Variants in PTPRE observed in about 807,000 individuals in gnomAD.
The protein encoded by PTPRE is protein tyrosine phosphatase receptor type E.
A neutral mutation model predicts 102.0 loss-of-function variants in PTPRE; 51 were observed. That is an observed-to-expected ratio of 0.50 (90% confidence interval 0.40 to 0.63). The LOEUF (loss-of-function observed/expected upper bound fraction) is 0.63. Ranked by LOEUF, PTPRE falls within the 30% of genes least tolerant of loss-of-function variation. The pLI, the probability that PTPRE is intolerant of heterozygous loss-of-function variation, is 0.00. For synonymous variants in PTPRE, 345 were observed against 348.2 expected (o/e 0.99, Z 0.10); for missense variants, 752 against 915.1 (o/e 0.82, Z 2.30).
At chr10:127,999,899 A>G (rs1489665927) in intron 2 of PTPRE, 1 of 985,446 alleles carries the variant, frequency 1.0e-6, no homozygotes, top group Non-Finnish European at 1.2e-6. Context: ...AGGAGACTCC[A>G]GTGCTGTGGA....
At chr10:128,019,912 G>A (rs1223132479) in intron 2 of PTPRE, among the ~76,000 whole-genome samples, 3 of 152,206 alleles carry the variant, frequency 2.0e-5, no homozygotes, top group Admixed American at 2.0e-4. Context: ...CCAGAGCAAT[G>A]GTCCCGGTAC....
chr10:128,021,172 G>T (rs953653308), intron 2 of PTPRE, among the ~76,000 whole-genome samples: 23 of 152,142 alleles, frequency 1.5e-4, no homozygotes, highest in Non-Finnish European at 2.6e-4. Flanking sequence ...TGGGACTACA[G>T]ACGCGAGCCA....
chr10:127,964,961 G>A, intron 1 of PTPRE: 1 of 456,504 alleles, frequency 2.2e-6, no homozygotes, highest in South Asian at 1.5e-5. Context: ...TGAAGGACAG[G>A]GACCGTGCCG....
rs1564786883 is a variant in PTPRE, at chr10:127,907,297, CG to C, written c.-41del. ...TGCAGCGCGATCTGCGCGACCAGAC[CG>C]GCCCCCCCGAGGTGAGCGCGCGTGC... On this transcript the variant is annotated 5_prime_UTR_variant, in exon 1 of 21. An upstream open reading frame in the 5' UTR loses its in-frame stop. Coordinates refer to ENST00000254667, the MANE Select transcript of PTPRE (RefSeq NM_006504.6). This position sits in a 1 kb window ranked among gnomAD's most constrained non-coding sequence, Gnocchi z 4.8. The C allele has an allele frequency of 3.0e-6, 3 of 984,638 alleles. No homozygotes were observed. The highest frequency in any genetic ancestry group is 3.6e-6 in the Non-Finnish European group (3 of 829,730). The allele number at this position is 984,638 out of a possible 1,614,324, so 61.0% of individuals were successfully genotyped here.
At chr10:128,082,710 A>G (rs1851830957) in intron 20 of PTPRE, 122 bp from the exon 21 acceptor site, 1 of 1,139,476 alleles carries the variant, frequency 8.8e-7, no homozygotes. Context: ...ATGTGCATAA[A>G]GGTATATGGT....
intron 2 of PTPRE, among the ~76,000 whole-genome samples, chr10:128,035,802 C>A (rs1847165140): frequency 6.6e-6 from 1 of 152,206 alleles, no homozygotes; most frequent in Non-Finnish European, 1.5e-5. Flanking sequence ...GAGGCACTGG[C>A]CCAGGGATGG....
At chr10:127,980,534 C>G (rs1371642943) in intron 1 of PTPRE, among the ~76,000 whole-genome samples, 1 of 152,050 alleles carries the variant, frequency 6.6e-6, no homozygotes, top group African/African-American at 2.4e-5. Context: ...GCTATGATTT[C>G]CAGGATAATG....
intron 1 of PTPRE, among the ~76,000 whole-genome samples, chr10:127,926,376 G>A (rs2135208420): frequency 6.6e-6 from 1 of 152,340 alleles, no homozygotes; most frequent in East Asian, 1.9e-4. Context: ...TTAAAACTAA[G>A]AATGGCAGGA....
chr10:128,078,756 C>T (rs1851445714), intron 19 of PTPRE, among the ~76,000 whole-genome samples: 1 of 152,208 alleles, frequency 6.6e-6, no homozygotes, highest in Non-Finnish European at 1.5e-5. Context: ...GAAATGAGTT[C>T]CATAGGGCAC....
At chr10:127,957,189 A>G (rs1308530048) in intron 1 of PTPRE, among the ~76,000 whole-genome samples, 1 of 152,022 alleles carries the variant, frequency 6.6e-6, no homozygotes, top group Non-Finnish European at 1.5e-5. Flanking sequence ...TATTTTCTAG[A>G]GTTTTATAAT....
At chr10:127,950,304 T>C (rs1848924619) in intron 1 of PTPRE, among the ~76,000 whole-genome samples, 1 of 151,946 alleles carries the variant, frequency 6.6e-6, no homozygotes, top group South Asian at 2.1e-4. Flanking sequence ...CGCAGGGAAT[T>C]TGGGGAGGGG....
intron 2 of PTPRE, among the ~76,000 whole-genome samples, chr10:128,021,844 C>T (rs1450714248): frequency 3.3e-5 from 5 of 152,208 alleles, no homozygotes; most frequent in South Asian, 2.1e-4. Flanking sequence ...ACGTGCTTCC[C>T]GTGAGGCTGC....
At chr10:127,912,267 T>C (rs913123250) in intron 1 of PTPRE, among the ~76,000 whole-genome samples, 2 of 152,250 alleles carry the variant, frequency 1.3e-5, no homozygotes, top group African/African-American at 4.8e-5. Context: ...AGGCTTTGAT[T>C]GAGCTTAAGA....
At chr10:128,042,735 T>C (rs1170283854) in intron 3 of PTPRE, among the ~76,000 whole-genome samples, 2 of 152,246 alleles carry the variant, frequency 1.3e-5, no homozygotes, top group Non-Finnish European at 2.9e-5. Context: ...GCTGTTTCAT[T>C]TGTTCATCGA....
intron 6 of PTPRE, among the ~76,000 whole-genome samples, chr10:128,050,377 A>ATGGT (rs59586862): frequency 3.2e-5 from 4 of 123,858 alleles, no homozygotes; most frequent in Non-Finnish European, 5.0e-5. Flanking sequence ...GGATGGATGG[A>ATGGT]GTGGGAGGGC....
chr10:128,061,202 G>C (rs1168818190), intron 8 of PTPRE, among the ~76,000 whole-genome samples, 187 bp downstream of exon 8: 1 of 152,226 alleles, frequency 6.6e-6, no homozygotes, highest in African/African-American at 2.4e-5. Context: ...GAATTCAAGA[G>C]ACAGAGATGA....
At chr10:128,082,744 T>C (rs1851834371) in intron 20 of PTPRE, 88 bp from the exon 21 acceptor site, 3 of 1,421,348 alleles carry the variant, frequency 2.1e-6, no homozygotes, top group African/African-American at 1.5e-5. Flanking sequence ...GTCACACTTA[T>C]TTATGTCTTG....
intron 15 of PTPRE, chr10:128,071,494 TGCAGTGG>T (rs1430591822): frequency 1.3e-5 from 2 of 157,294 alleles, no homozygotes; most frequent in Non-Finnish European, 1.4e-5. Context: ...CAGGGCCACA[TGCAGTGG>T]GCAGGGGAGT....
intron 19 of PTPRE, 79 bp downstream of exon 19, chr10:128,077,862 G>A: frequency 6.8e-7 from 1 of 1,474,024 alleles, no homozygotes; most frequent in African/African-American, 1.4e-5. Context: ...GTGGGCAGCA[G>A]AGCCTGGTCG....
Sources: allele counts gnomAD v4.1 joint callset (sites outside exome capture counted in the v4.1 genomes callset), GRCh38; gene constraint gnomAD v4.1.1; non-coding constraint Gnocchi (gnomAD v3.1); transcripts MANE v1.5; gene names NCBI Gene and HGNC (gene_info 2026-07-23, HGNC 2026-07-21).